Variants in UNC13B observed in about 807,000 individuals in gnomAD.
The protein encoded by UNC13B is unc-13 homolog B, also known as protein unc-13 homolog B.
UNC13B carries 144 observed loss-of-function variants against 211.0 expected under a neutral mutation model. The ratio of observed to expected loss-of-function variants is 0.68; its 90% CI spans 0.60 to 0.78. UNC13B has a LOEUF of 0.78. UNC13B is among the 30% of genes least tolerant of loss of function. UNC13B has a pLI of 0.00. For synonymous variants in UNC13B, 709 were observed against 725.8 expected, an observed-to-expected ratio of 0.98 and a Z score of 0.37; for missense variants, 1,777 against 2,002.0, an observed-to-expected ratio of 0.89 and a Z score of 2.14.
chr9:35,352,710 T>C, intron 11 of UNC13B: 1 of 1,231,890 alleles, frequency 8.1e-7, no homozygotes, highest in African/African-American at 1.6e-5. Context: ...GGGGATGAAA[T>C]AAAAGGAGCA....
chr9:35,343,187 C>T (rs1832121907), intron 11 of UNC13B, among the ~76,000 whole-genome samples: 1 of 152,202 alleles, frequency 6.6e-6, no homozygotes, highest in South Asian at 2.1e-4. Context: ...TTTTTCTCAT[C>T]TATGAAATCA....
intron 1 of UNC13B, among the ~76,000 whole-genome samples, chr9:35,166,106 T>C (rs1284946113): frequency 6.6e-6 from 1 of 152,056 alleles, no homozygotes; most frequent in Non-Finnish European, 1.5e-5. Context: ...TGCAGGCCAG[T>C]CGTGGTGGCT....
At chr9:35,261,014 G>A (rs1036664243) in intron 7 of UNC13B, among the ~76,000 whole-genome samples, 2 of 152,048 alleles carry the variant, frequency 1.3e-5, no homozygotes, top group African/African-American at 4.8e-5. Context: ...ATGTTTACAG[G>A]CTATTTTATT....
chr9:35,258,983 C>T lies in UNC13B; in HGVS notation c.469-10C>T. 6.2e-7 allele frequency: 1 copy of T among 1,611,972 alleles called. No individual in the cohort carries two copies. Among genetic ancestry groups the T allele is most frequent in the Non-Finnish European group, 8.5e-7 (1 of 1,179,186 alleles). On this transcript the variant is annotated splice_polypyrimidine_tract_variant and intron_variant, in intron 6 of 39. Coordinates refer to ENST00000635942, the MANE Select transcript of UNC13B (RefSeq NM_001371189.2). ...TATTTATTTATTTATTTTCTCCTTT[C>T]TGCTTCTAGTATTCTAGTCAAGAAG...
At chr9:35,208,395 C>G (rs1823782942) in intron 1 of UNC13B, among the ~76,000 whole-genome samples, 1 of 152,172 alleles carries the variant, frequency 6.6e-6, no homozygotes. Flanking sequence ...CTTTCATACT[C>G]TTTAGACTAT....
intron 1 of UNC13B, among the ~76,000 whole-genome samples, chr9:35,200,437 T>G (rs1823213479): frequency 6.6e-6 from 1 of 152,224 alleles, no homozygotes; most frequent in South Asian, 2.1e-4. Context: ...AGTATGGCCA[T>G]TTTCACAATA....
chr9:35,277,499 C>T (rs1379507075), intron 7 of UNC13B, among the ~76,000 whole-genome samples: 6 of 152,110 alleles, frequency 3.9e-5, no homozygotes, highest in African/African-American at 1.4e-4. Context: ...CCTAATTTTT[C>T]CTGTGAAGCT....
rs1829982905 is a variant in UNC13B at position 35,307,496 on chromosome 9, A to G, written c.8092A>G (p.Ser2698Gly). The G allele has an allele frequency of 7.5e-6, 3 of 398,948 alleles. No individual in the cohort carries two copies. Among genetic ancestry groups the G allele is most frequent in the South Asian group, 2.5e-4 (2 of 7,856 alleles). 24.7% of individuals were successfully genotyped at this position (398,948 alleles called of 1,614,324 possible). A position where few individuals can be genotyped will look rare whatever the true frequency, so the allele number is the denominator to read the frequency against. ...NQDLLELHPA[S>G]SLETDTMLFN... ...AGACTTACTGGAGCTGCATCCAGCC[A>G]GTTCACTAGAAACTGATACTATGCT... The change falls in exon 9 of 40, where the codon AGT becomes GGT. Residue 2698 changes from serine to glycine, a missense_variant. Coordinates refer to ENST00000635942, the MANE Select transcript of UNC13B (RefSeq NM_001371189.2).
Position 35,380,496 on chromosome 9 carries a change from T to G in UNC13B, c.10232T>G (p.Ile3411Ser), listed in dbSNP as rs954272211. Residue 3411 changes from isoleucine (I) to serine (S), a missense_variant, in exon 18 of 40, where the codon ATT (isoleucine) becomes AGT (serine). Transcript: ENST00000635942. ...HFECHNSSDR[I>S]KVRVWDEDDD... is the part of the protein sequence containing the mutation. Reference sequence around the variant, plus strand: ...GAGTGCCACAACTCCTCTGACCGCATTAAGGTGCGTGTATGGGATGAGGAT... The same window carrying G: ...GAGTGCCACAACTCCTCTGACCGCAGTAAGGTGCGTGTATGGGATGAGGAT... 4.3e-6 allele frequency: 7 copies of G among 1,614,116 alleles called. No individual in the cohort carries two copies. Among genetic ancestry groups the G allele is most frequent in the Non-Finnish European group, 1.7e-6 (2 of 1,179,992 alleles).
At chr9:35,363,376 T>G (rs1442090860) in intron 11 of UNC13B, among the ~76,000 whole-genome samples, 1 of 151,754 alleles carries the variant, frequency 6.6e-6, no homozygotes, top group East Asian at 1.9e-4. Context: ...TGCCTAATTT[T>G]CTTACTCAAA....
rs574438885 is a variant in UNC13B, at chr9:35,307,530, A to G, written c.8126A>G (p.Asp2709Gly). Residue 2709 changes from aspartate to glycine, a missense_variant, in exon 9 of 40, where the codon GAT (aspartate) becomes GGT (glycine). Transcript: ENST00000635942. ...GAAACTGATACTATGCTGTTCAATG[A>G]TGCAAGTGTGAGCCAGAGCACCACT... Reference protein sequence around the residue: ...SLETDTMLFNDASVSQSTTLE... With the variant: ...SLETDTMLFNGASVSQSTTLE... 2.5e-5 allele frequency: 10 copies of G among 398,904 alleles called. No homozygotes were observed. The highest frequency in any genetic ancestry group is 4.0e-5 in the Non-Finnish European group (9 of 226,082). The allele number at this position is 398,904 out of a possible 1,614,324, so 24.7% of individuals were successfully genotyped here. A position where few individuals can be genotyped will look rare whatever the true frequency, so the allele number is the denominator to read the frequency against.
At chr9:35,341,485 C>T (rs1831990079) in intron 11 of UNC13B, among the ~76,000 whole-genome samples, 1 of 152,142 alleles carries the variant, frequency 6.6e-6, no homozygotes, top group African/African-American at 2.4e-5. Flanking sequence ...GGAAGACTCC[C>T]TTTGTATTGT....
chr9:35,262,636 TA>T (rs1052583248), intron 7 of UNC13B, among the ~76,000 whole-genome samples: 1 of 151,414 alleles, frequency 6.6e-6, no homozygotes, highest in African/African-American at 2.4e-5. Flanking sequence ...TTTAATATAA[TA>T]AAAAAAAATC....
chr9:35,195,155 G>C lies in UNC13B; in HGVS notation c.22+32850G>C, dbSNP rs1822868217. Among the ~76,000 whole-genome samples, 3 of 152,290 alleles carry C rather than the reference G, an allele frequency of 2.0e-5. No individual in the cohort carries two copies. In the South Asian group the frequency reaches 6.2e-4, roughly 32 times the overall value. On this transcript the variant is annotated intron_variant, in intron 1 of 39. Coordinates refer to ENST00000635942, the MANE Select transcript of UNC13B (RefSeq NM_001371189.2). ...CTCCTTACTATACACATGGCTGACA[G>C]AGAAGGGAAGATGGAGCCACTATTT...
chr9:35,228,574 C>T (rs1587417838), intron 2 of UNC13B, among the ~76,000 whole-genome samples: 1 of 151,510 alleles, frequency 6.6e-6, no homozygotes. Flanking sequence ...GAACCTGTTT[C>T]AGCTTGAGAG....
chr9:35,334,400 C>A (rs1298763397), intron 11 of UNC13B, among the ~76,000 whole-genome samples: 3 of 152,198 alleles, frequency 2.0e-5, no homozygotes, highest in Non-Finnish European at 1.5e-5. Flanking sequence ...ACCTCTTCTG[C>A]TAAAGACGTC....
chr9:35,402,961 C>T (rs561321389), intron 37 of UNC13B, among the ~76,000 whole-genome samples: 44 of 152,230 alleles, frequency 2.9e-4, no homozygotes, highest in African/African-American at 8.7e-4. Context: ...GAAAATGTTG[C>T]GCCTAAGATG....
chr9:35,398,331 C>A (rs1370846255), intron 31 of UNC13B, 43 bp downstream of exon 31: 2 of 1,587,554 alleles, frequency 1.3e-6, no homozygotes, highest in South Asian at 1.1e-5. Flanking sequence ...TCCCTTTATT[C>A]CTGAGCTCCT....
chr9:35,218,696 T>G (rs4878607), intron 1 of UNC13B, among the ~76,000 whole-genome samples: 28,146 of 151,814 alleles, frequency 0.19, 2,945 homozygotes, highest in Non-Finnish European at 0.24. Flanking sequence ...CGCGTCTGGT[T>G]AAGTGGTTAA....
Sources: allele counts gnomAD v4.1 joint callset (sites outside exome capture counted in the v4.1 genomes callset), GRCh38; gene constraint gnomAD v4.1.1; transcripts MANE v1.5; gene names NCBI Gene and HGNC (gene_info 2026-07-23, HGNC 2026-07-21).